The following PEAK1 variants were observed in gnomAD, a reference collection of about 807,000 sequenced individuals.
PEAK1 encodes pseudopodium enriched atypical kinase 1.
In PEAK1, 54 loss-of-function variants were observed where a neutral mutation model predicts 124.7. That is an observed-to-expected ratio of 0.43 (90% confidence interval 0.35 to 0.54). The LOEUF (loss-of-function observed/expected upper bound fraction) is 0.54. Ranked by LOEUF, PEAK1 falls within the 20% of genes least tolerant of loss-of-function variation. The probability of loss-of-function intolerance (pLI) is 0.01; values close to 1 mark genes in which losing one functional copy is unlikely to be tolerated. For synonymous variants in PEAK1, 719 were observed against 760.0 expected (o/e 0.95, Z 0.89); for missense variants, 2,046 against 2,134.5 (o/e 0.96, Z 0.82).
At chr15:77,234,437 T>C (rs561164840) in intron 6 of PEAK1, among the ~76,000 whole-genome samples, 1 of 152,318 alleles carries the variant, frequency 6.6e-6, no homozygotes, top group East Asian at 1.9e-4. Flanking sequence ...AATTGTTTAC[T>C]TATTTAAGCA....
chr15:77,174,469 T>C lies in PEAK1; in HGVS notation c.3137+4321A>G, dbSNP rs140717189. 3.9e-3 allele frequency among the ~76,000 whole-genome samples: 595 copies of C among 152,306 alleles called. 2 individuals are homozygous for C. The highest frequency in any genetic ancestry group is 0.012 in the African/African-American group (485 of 41,560). ...GATGGTAATGTTTTCCTTATCAAAG[T>C]TGCTTCAAGTAAATACCAATGGTGT... On this transcript the variant is annotated intron_variant, in intron 7 of 9. Transcript: ENST00000682557.
At chr15:77,296,096 T>C (rs1262708246) in intron 2 of PEAK1, among the ~76,000 whole-genome samples, 1 of 152,176 alleles carries the variant, frequency 6.6e-6, no homozygotes, top group Non-Finnish European at 1.5e-5. Context: ...TTCCCCTTAT[T>C]TTCTTTCAAT....
intron 5 of PEAK1, among the ~76,000 whole-genome samples, chr15:77,270,289 C>G (rs1030064787): frequency 1.1e-4 from 17 of 152,088 alleles, no homozygotes; most frequent in Admixed American, 2.0e-4. Context: ...GGCAATCAGG[C>G]AGGAGAAGGA....
At chr15:77,246,028 GAGAA>G (rs2060567852) in intron 6 of PEAK1, among the ~76,000 whole-genome samples, 1 of 133,870 alleles carries the variant, frequency 7.5e-6, no homozygotes, top group Non-Finnish European at 1.6e-5. Context: ...TTTTTTTTTT[GAGAA>G]AGAGTCTCAC....
chr15:77,220,571 C>T (rs1290240811), intron 6 of PEAK1, among the ~76,000 whole-genome samples: 1 of 147,220 alleles, frequency 6.8e-6, no homozygotes, highest in East Asian at 2.0e-4. Flanking sequence ...TATCAAACTG[C>T]TTTTAAAATA....
chr15:77,196,149 T>C (rs978631491), intron 6 of PEAK1, among the ~76,000 whole-genome samples: 2 of 152,224 alleles, frequency 1.3e-5, no homozygotes, highest in Non-Finnish European at 2.9e-5. Context: ...ACAGATCAAA[T>C]GAGGCTCTTG....
At chr15:77,230,738 C>A (rs557763528) in intron 6 of PEAK1, among the ~76,000 whole-genome samples, 1 of 151,690 alleles carries the variant, frequency 6.6e-6, no homozygotes, top group Non-Finnish European at 1.5e-5. Flanking sequence ...CTCACTGTGG[C>A]GGGAGGATCA....
chr15:77,367,946 G>C (rs1368598574), intron 1 of PEAK1, among the ~76,000 whole-genome samples: 2 of 152,136 alleles, frequency 1.3e-5, no homozygotes, highest in Non-Finnish European at 2.9e-5. Flanking sequence ...CAGTGAATGT[G>C]GAAGCATCAA....
chr15:77,185,758 A>T (rs1263681255), intron 6 of PEAK1, among the ~76,000 whole-genome samples: 1 of 152,206 alleles, frequency 6.6e-6, no homozygotes, highest in Non-Finnish European at 1.5e-5. Flanking sequence ...AAGATGGGAA[A>T]ACCTAGATAA....
At chr15:77,135,464 CA>C (rs2053238624) in intron 8 of PEAK1, among the ~76,000 whole-genome samples, 2 of 152,300 alleles carry the variant, frequency 1.3e-5, no homozygotes, top group South Asian at 2.1e-4. Flanking sequence ...GCCTACTACA[CA>C]CCTAGGCCAT....
upstream of PEAK1, chr15:77,420,801 G>C (rs1436471852): frequency 2.5e-6 from 1 of 398,522 alleles, no homozygotes; most frequent in Non-Finnish European, 4.4e-6. Context: ...TGCGGTAAGA[G>C]GAGTTACCTG....
chr15:77,119,301 A>G (rs936478969), intron 9 of PEAK1, among the ~76,000 whole-genome samples: 1 of 152,258 alleles, frequency 6.6e-6, no homozygotes, highest in African/African-American at 2.4e-5. Flanking sequence ...GCTGGTATAT[A>G]CATATGCACC....
Position 77,413,238 on chromosome 15 carries a change from G to A in PEAK1, c.-666+6768C>T, listed in dbSNP as rs80019592. Among the ~76,000 whole-genome samples the A allele has an allele frequency of 8.5e-3, 1,291 of 152,264 alleles. 20 individuals are homozygous for A. The highest frequency in any genetic ancestry group is 0.03 in the African/African-American group (1,232 of 41,534). ...AATTACTGTGGTGGTTTTAATATAT[G>A]TCCACAAATTCTTTTATACTTCTCC... On this transcript the variant is annotated intron_variant, in intron 1 of 9. Coordinates refer to ENST00000682557, the MANE Select transcript of PEAK1 (RefSeq NM_001385026.1).
intron 2 of PEAK1, chr15:77,333,692 T>G: frequency 1.0e-6 from 1 of 972,674 alleles, no homozygotes; most frequent in East Asian, 1.1e-4. Flanking sequence ...TGTTTACTAA[T>G]TCATTCTCCT....
intron 2 of PEAK1, among the ~76,000 whole-genome samples, chr15:77,312,097 A>C (rs2064506071): frequency 6.6e-6 from 1 of 152,144 alleles, no homozygotes; most frequent in Non-Finnish European, 1.5e-5. Context: ...AAATTTTTAC[A>C]AGGTAGGAAA....
At chr15:77,187,728 A>G (rs549658170) in intron 6 of PEAK1, among the ~76,000 whole-genome samples, 1 of 152,216 alleles carries the variant, frequency 6.6e-6, no homozygotes, top group African/African-American at 2.4e-5. Flanking sequence ...ATGGAGGCAG[A>G]GTCAAGAATC....
At chr15:77,178,610 T>C (rs2057031198) in intron 7 of PEAK1, 180 bp downstream of exon 7, 6 of 672,586 alleles carry the variant, frequency 8.9e-6, no homozygotes, top group Non-Finnish European at 9.8e-6. Context: ...CCTTGTTCAG[T>C]GCAGTAAGAT....
chr15:77,225,042 T>G (rs1250263883), intron 6 of PEAK1, among the ~76,000 whole-genome samples: 1 of 152,046 alleles, frequency 6.6e-6, no homozygotes, highest in East Asian at 1.9e-4. Context: ...TCAAAAATTT[T>G]AAGTAGCTCC....
At chr15:77,244,870 C>T (rs941190674) in intron 6 of PEAK1, among the ~76,000 whole-genome samples, 1 of 152,062 alleles carries the variant, frequency 6.6e-6, no homozygotes, top group African/African-American at 2.4e-5. Flanking sequence ...CCATACTTGG[C>T]CTCAAAGGAC....
Sources: gnomAD v4.1 joint callset for allele counts (sites outside exome capture counted in the v4.1 genomes callset) on GRCh38, gnomAD v4.1.1 for gene constraint, MANE v1.5 for transcripts, NCBI Gene and HGNC (gene_info 2026-07-23, HGNC 2026-07-21) for gene names.